TNN: variants seen among roughly 807,000 people sequenced by gnomAD.
TNN encodes tenascin N.
A neutral mutation model predicts 134.4 loss-of-function variants in TNN; 122 were observed. The observed-to-expected ratio is 0.91, with a 90% confidence interval of 0.78 to 1.06. The LOEUF (loss-of-function observed/expected upper bound fraction) is 1.06, where lower values mean the gene tolerates loss of function less well. Ranked by LOEUF, TNN falls within the 50% of genes least tolerant of loss-of-function variation. The pLI, the probability that TNN is intolerant of heterozygous loss-of-function variation, is 0.00. For missense variants in TNN, 1,739 were observed against 1,699.4 expected, an observed-to-expected ratio of 1.02 and a Z score of -0.41; for synonymous variants, 710 against 670.3, an observed-to-expected ratio of 1.06 and a Z score of -0.91.
In TNN at chr1:175,099,738, T is replaced by C. The variant is rs1003909528; in HGVS notation, c.2119+1143T>C. ...GGGAGCTGGGGGTCGTGGAAAGTCA[T>C]GCTTGACTGTAACAGGTGTTTGGGC... On this transcript the variant is annotated intron_variant, in intron 9 of 18. Transcript: ENST00000239462. Among the ~76,000 whole-genome samples, 6 of 152,074 alleles carry C rather than the reference T, an allele frequency of 3.9e-5. No homozygotes were observed. In the East Asian group the frequency reaches 9.6e-4, roughly 24 times the overall value.
intron 1 of TNN, among the ~76,000 whole-genome samples, chr1:175,077,081 C>T (rs1045205023): frequency 9.9e-5 from 15 of 152,126 alleles, no homozygotes; most frequent in Non-Finnish European, 1.6e-4. Flanking sequence ...GCGTGGCACA[C>T]AATAGGCTGT....
Position 175,147,228 on chromosome 1 carries a change from G to A in TNN, c.*157G>A. 1 of 703,294 alleles carries A rather than the reference G, an allele frequency of 1.4e-6. No homozygotes were observed. The allele number at this position is 703,294 out of a possible 1,614,324, so 43.6% of individuals were successfully genotyped here. ...CATGGAGGTTCCTTCCCTCTCACCT[G>A]CATTTTTGCCCGTCTTTATGAGGGT... is the stretch of plus-strand genomic sequence containing the variant. On this transcript the variant is annotated 3_prime_UTR_variant, in exon 19 of 19. Transcript: ENST00000239462.
intron 9 of TNN, among the ~76,000 whole-genome samples, chr1:175,109,498 T>C (rs1004627875): frequency 4.6e-5 from 7 of 152,082 alleles, no homozygotes; most frequent in African/African-American, 1.7e-4. Context: ...AGGAGATCAA[T>C]TTTTTTAGCT....
chr1:175,072,437 A>T (rs12059398), intron 1 of TNN, among the ~76,000 whole-genome samples: 21,993 of 152,208 alleles, frequency 0.14, 1,805 homozygotes, highest in Non-Finnish European at 0.19. Flanking sequence ...AATACCCCTC[A>T]GCAGAATAAT....
In TNN at chr1:175,085,939, T is replaced by A. The variant is rs951485067; in HGVS notation, c.1324+445T>A. Among the ~76,000 whole-genome samples the A allele has an allele frequency of 4.6e-5, 7 of 151,984 alleles. No homozygotes were observed. The East Asian group carries it at 1.4e-3, about 29-fold the overall frequency. On this transcript the variant is annotated intron_variant, in intron 6 of 18. Transcript: ENST00000239462. Reference sequence around the variant, plus strand: ...TGTAGAGAGAGTCTATCCCTTTATGTACTGATGTCTATTTTTGGGCAGGGA... The same window carrying A: ...TGTAGAGAGAGTCTATCCCTTTATGAACTGATGTCTATTTTTGGGCAGGGA...
At position 175,146,056 on chromosome 1, in the gene TNN, T is replaced by C. The variant is rs545203423; in HGVS notation, c.3760-875T>C. On this transcript the variant is annotated intron_variant, in intron 18 of 18. Coordinates refer to ENST00000239462, the MANE Select transcript of TNN (RefSeq NM_022093.2). ...AAGTCCAGGTACATTTTGATTACTT[T>C]GGCCCTGACCAGTCTTCGGGACTCC... 8.5e-5 allele frequency among the ~76,000 whole-genome samples: 13 copies of C among 152,308 alleles called. No homozygotes were observed. The East Asian group carries it at 2.5e-3, about 29-fold the overall frequency.
chr1:175,120,439 A>G (rs914193025), intron 11 of TNN, among the ~76,000 whole-genome samples: 3 of 152,192 alleles, frequency 2.0e-5, no homozygotes, highest in African/African-American at 7.2e-5. Context: ...GCAGGAATGG[A>G]GTGTATTCCT....
At chr1:175,139,485 C>T (rs1053983261) in intron 17 of TNN, among the ~76,000 whole-genome samples, 2 of 152,200 alleles carry the variant, frequency 1.3e-5, no homozygotes, top group African/African-American at 4.8e-5. Context: ...TCACTGTCTT[C>T]CACCTCCGCA....
At chr1:175,092,636 T>C (rs1031761340) in intron 6 of TNN, among the ~76,000 whole-genome samples, 1 of 152,172 alleles carries the variant, frequency 6.6e-6, no homozygotes, top group Non-Finnish European at 1.5e-5. Context: ...AAATGTATAG[T>C]CTTTGTTAGA....
intron 2 of TNN, 116 bp from the exon 3 acceptor site, chr1:175,079,217 C>T (rs1674127591): frequency 7.8e-7 from 1 of 1,279,996 alleles, no homozygotes; most frequent in Non-Finnish European, 1.0e-6. Flanking sequence ...CAGAAATCAC[C>T]AGACCCTTAA....
rs577721254 is a variant in TNN at position 175,086,557 on chromosome 1, G to A, written c.1324+1063G>A. Among the ~76,000 whole-genome samples, 3 of 152,292 alleles carry A rather than the reference G, an allele frequency of 2.0e-5. No homozygotes were observed. The South Asian group carries it at 6.2e-4, about 32-fold the overall frequency. On this transcript the variant is annotated intron_variant, in intron 6 of 18. Transcript: ENST00000239462. ...TGGAGCTGGTAAAGAAGGAGTCTTT[G>A]AGTTTTGAGTCTTCGTTGAAAAGTT...
rs550372309 is a variant in TNN at position 175,083,478 on chromosome 1, C to T, written c.1049-272C>T. Among the ~76,000 whole-genome samples, 4 of 152,246 alleles carry T rather than the reference C, an allele frequency of 2.6e-5. No homozygotes were observed. The South Asian group carries it at 8.3e-4, about 32-fold the overall frequency. ...GGTACAGTTTGGGCTTGGCCAAAGT[C>T]AGTGTGGACAGGGAAGACCACATGG... is the stretch of plus-strand genomic sequence containing the variant. On this transcript the variant is annotated intron_variant, in intron 4 of 18. Transcript: ENST00000239462.
chr1:175,090,028 G>A (rs577139929), intron 6 of TNN, among the ~76,000 whole-genome samples: 17 of 152,236 alleles, frequency 1.1e-4, no homozygotes, highest in African/African-American at 1.7e-4. Context: ...TATCATTTGC[G>A]CGATCACTGT....
At chr1:175,102,658 G>T (rs1427868170) in intron 9 of TNN, among the ~76,000 whole-genome samples, 2 of 145,668 alleles carry the variant, frequency 1.4e-5, no homozygotes, top group Admixed American at 6.9e-5. Context: ...ACCATGCGCA[G>T]CCCTGGTTCC....
chr1:175,118,505 T>C, intron 10 of TNN, 56 bp from the exon 11 acceptor site: 6 of 1,598,560 alleles, frequency 3.8e-6, no homozygotes, highest in Non-Finnish European at 5.1e-6. Flanking sequence ...TGACCACCAG[T>C]TTCTGCACTC....
intron 5 of TNN, among the ~76,000 whole-genome samples, chr1:175,084,324 A>C (rs550923679): frequency 1.3e-5 from 2 of 150,008 alleles, no homozygotes; most frequent in African/African-American, 4.9e-5. Context: ...AGAGAGATTG[A>C]GATTGGTTTG....
Position 175,131,172 on chromosome 1 carries a change from T to C in TNN, c.3330+2426T>C, listed in dbSNP as rs146103551. On this transcript the variant is annotated intron_variant, in intron 15 of 18. Coordinates refer to ENST00000239462, the MANE Select transcript of TNN (RefSeq NM_022093.2). ...AGCAACAGGAACTCAATCTGAAGAA[T>C]AGGCCAGAAGAACTGTGCCCTGAGG... 1.3e-3 allele frequency among the ~76,000 whole-genome samples: 194 copies of C among 152,344 alleles called. 1 individual carries two copies. The highest frequency in any genetic ancestry group is 4.5e-3 in the African/African-American group (186 of 41,584).
At chr1:175,135,329 T>C (rs868856520) in intron 15 of TNN, among the ~76,000 whole-genome samples, 14 of 152,242 alleles carry the variant, frequency 9.2e-5, no homozygotes, top group South Asian at 4.1e-4. Flanking sequence ...TAGTACATAG[T>C]AGATGCTCAG....
At chr1:175,074,480 G>C (rs1435851013) in intron 1 of TNN, among the ~76,000 whole-genome samples, 2 of 82,442 alleles carry the variant, frequency 2.4e-5, no homozygotes, top group Non-Finnish European at 2.1e-5. Flanking sequence ...ATGGGATCCT[G>C]TCTGAAAAAA....
Sources: gnomAD v4.1 joint callset for allele counts (sites outside exome capture counted in the v4.1 genomes callset) on GRCh38, gnomAD v4.1.1 for gene constraint, MANE v1.5 for transcripts, NCBI Gene and HGNC (gene_info 2026-07-23, HGNC 2026-07-21) for gene names.